CD200R1: variants seen among roughly 807,000 people sequenced by gnomAD.
The protein encoded by CD200R1 is cell surface glycoprotein CD200 receptor 1.
A neutral mutation model predicts 38.1 loss-of-function variants in CD200R1; 30 were observed. The ratio of observed to expected loss-of-function variants is 0.79; its 90% CI spans 0.59 to 1.07. CD200R1 has a LOEUF of 1.07. CD200R1 is among the 50% of genes least tolerant of loss of function. The pLI is 0.00. For missense variants in CD200R1, 372 were observed against 415.4 expected (o/e 0.90, Z 0.91); for synonymous variants, 128 against 152.1 (o/e 0.84, Z 1.16).
rs573920654 is a variant in CD200R1, at chr3:112,966,203, T to C, written c.67+8588A>G. Reference sequence around the variant, plus strand: ...AGGATAGTTGGGGTGATGAGGAAACTAGGAAAGACCTAGAGCAGTGTTCTG... The same window carrying C: ...AGGATAGTTGGGGTGATGAGGAAACCAGGAAAGACCTAGAGCAGTGTTCTG... On this transcript the variant is annotated intron_variant, in intron 1 of 7. Transcript: ENST00000308611. 5.3e-5 allele frequency among the ~76,000 whole-genome samples: 8 copies of C among 152,228 alleles called. No homozygotes were observed. The South Asian group carries it at 6.2e-4, about 12-fold the overall frequency.
At chr3:112,952,880 C>T (rs950307058) in intron 1 of CD200R1, among the ~76,000 whole-genome samples, 7 of 152,080 alleles carry the variant, frequency 4.6e-5, no homozygotes, top group Non-Finnish European at 8.8e-5. Flanking sequence ...AACAATTTGA[C>T]TTCTTTATTT....
At position 112,924,523 on chromosome 3, in the gene CD200R1, C is replaced by A; in HGVS notation, c.891G>T (p.Leu297Phe). Residue 297 changes from leucine to phenylalanine, a missense_variant, in exon 7 of 8, where the codon TTG becomes TTT. Transcript: ENST00000308611. ...LKVNGCRKYK[L>F]NKTESTPVVE... ...CAACTGGAGTAGATTCTGTTTTATTCAATTTATATTTTCTATAAAAATAAA... is the reference window on the plus strand; with the variant it reads ...CAACTGGAGTAGATTCTGTTTTATTAAATTTATATTTTCTATAAAAATAAA... 8.0e-7 allele frequency: 1 copy of A among 1,252,662 alleles called. No individual in the cohort carries two copies. The highest frequency in any genetic ancestry group is 1.0e-6 in the Non-Finnish European group (1 of 965,024). The allele number at this position is 1,252,662 out of a possible 1,614,324, so 77.6% of individuals were successfully genotyped here.
At chr3:112,932,122 G>A (rs570840625) in intron 2 of CD200R1, among the ~76,000 whole-genome samples, 31 of 152,218 alleles carry the variant, frequency 2.0e-4, no homozygotes, top group African/African-American at 7.5e-4. Flanking sequence ...GTGTACACCT[G>A]CTACCTCCCA....
intron 1 of CD200R1, among the ~76,000 whole-genome samples, chr3:112,955,773 G>A (rs1941084285): frequency 6.7e-6 from 1 of 150,292 alleles, no homozygotes; most frequent in South Asian, 2.1e-4. Context: ...AAGTATTCAT[G>A]ATTGGTAGGG....
intron 1 of CD200R1, among the ~76,000 whole-genome samples, chr3:112,966,437 T>C (rs2107345526): frequency 6.6e-6 from 1 of 152,278 alleles, no homozygotes; most frequent in South Asian, 2.1e-4. Context: ...AGTAGGATAA[T>C]TTTGTGAAGA....
intron 1 of CD200R1, among the ~76,000 whole-genome samples, chr3:112,959,500 T>A (rs1230062826): frequency 6.6e-6 from 1 of 152,180 alleles, no homozygotes; most frequent in Admixed American, 6.5e-5. Flanking sequence ...GTGCTGGTAC[T>A]GAGCTAAGTA....
At chr3:112,970,781 C>T (rs191347447) in intron 1 of CD200R1, among the ~76,000 whole-genome samples, 2 of 152,288 alleles carry the variant, frequency 1.3e-5, no homozygotes, top group Non-Finnish European at 2.9e-5. Flanking sequence ...TTGCCATCCT[C>T]AAGCTACTAG....
intron 5 of CD200R1, among the ~76,000 whole-genome samples, chr3:112,927,504 A>C (rs957257478): frequency 6.6e-6 from 1 of 152,202 alleles, no homozygotes; most frequent in Non-Finnish European, 1.5e-5. Context: ...CTCACTTCAA[A>C]ATGAATCCAT....
At chr3:112,968,192 G>C (rs1933214747) in intron 1 of CD200R1, among the ~76,000 whole-genome samples, 1 of 152,118 alleles carries the variant, frequency 6.6e-6, no homozygotes, top group Admixed American at 6.5e-5. Flanking sequence ...TTATGGGAAA[G>C]AAGAACGAAA....
rs1338671286 is a variant in CD200R1, at chr3:112,922,719, T to C, written c.*958A>G. ...AATCCATTTTTATTAAATAGTATAA[T>C]TCTTATTATAATCTCACATCATATT... On this transcript the variant is annotated 3_prime_UTR_variant, in exon 8 of 8. Coordinates refer to ENST00000308611, the MANE Select transcript of CD200R1 (RefSeq NM_138806.4). 6.6e-6 allele frequency: 1 copy of C among 151,986 alleles called. No homozygotes were observed. The highest frequency in any genetic ancestry group is 2.4e-5 in the African/African-American group (1 of 41,438). 9.4% of individuals were successfully genotyped at this position (151,986 alleles called of 1,614,324 possible). A position where few individuals can be genotyped will look rare whatever the true frequency, so the allele number is the denominator to read the frequency against.
chr3:112,936,778 T>G (rs1940593546), intron 2 of CD200R1, among the ~76,000 whole-genome samples: 1 of 152,264 alleles, frequency 6.6e-6, no homozygotes. Flanking sequence ...ATAGTTTCTT[T>G]GGCTGTGCAG....
intron 1 of CD200R1, among the ~76,000 whole-genome samples, chr3:112,961,186 G>A (rs1313596547): frequency 2.0e-5 from 3 of 151,950 alleles, no homozygotes; most frequent in Non-Finnish European, 2.9e-5. Context: ...AATCTCGCAG[G>A]GGTTACTTTC....
chr3:112,973,273 G>C (rs1933354516), intron 1 of CD200R1, among the ~76,000 whole-genome samples: 1 of 152,176 alleles, frequency 6.6e-6, no homozygotes, highest in Non-Finnish European at 1.5e-5. Flanking sequence ...ACTACTGAAA[G>C]ATTCAGATCA....
chr3:112,953,956 A>ATT (rs1941028926), intron 1 of CD200R1, among the ~76,000 whole-genome samples: 1 of 151,440 alleles, frequency 6.6e-6, no homozygotes, highest in South Asian at 2.1e-4. Context: ...TTATGTTCTG[A>ATT]TATTTATTCT....
chr3:112,928,632 G>A (rs1467686030), intron 5 of CD200R1, among the ~76,000 whole-genome samples, 184 bp downstream of exon 5: 3 of 152,084 alleles, frequency 2.0e-5, no homozygotes, highest in Admixed American at 6.6e-5. Flanking sequence ...CTAAAAAAGG[G>A]CTTTTTACAA....
At position 112,928,426 on chromosome 3, in the gene CD200R1, A is replaced by G. The variant is rs549443666; in HGVS notation, c.769+390T>C. 1.5e-3 allele frequency among the ~76,000 whole-genome samples: 235 copies of G among 152,350 alleles called. 1 individual carries two copies. The highest frequency in any genetic ancestry group is 2.2e-3 in the Non-Finnish European group (147 of 68,034). The stretch of plus-strand genomic sequence containing the variant: ...AAATTCAATGATGAAAAGTCCAGAA[A>G]ACAAAATTACAACAAACTAAAAATT... On this transcript the variant is annotated intron_variant, in intron 5 of 7. Transcript: ENST00000308611.
At chr3:112,955,752 T>G (rs1184139768) in intron 1 of CD200R1, among the ~76,000 whole-genome samples, 1 of 152,098 alleles carries the variant, frequency 6.6e-6, no homozygotes, top group Non-Finnish European at 1.5e-5. Flanking sequence ...TAAGGACAGT[T>G]TTGCTAGTTA....
chr3:112,962,623 A>G (rs929984585), intron 1 of CD200R1, among the ~76,000 whole-genome samples: 2 of 152,198 alleles, frequency 1.3e-5, no homozygotes, highest in Admixed American at 6.5e-5. Flanking sequence ...CACCCCAGAC[A>G]CTAGGTCAGG....
chr3:112,924,244 T>C lies in CD200R1; in HGVS notation c.924+246A>G, dbSNP rs1263633923. On this transcript the variant is annotated intron_variant, in intron 7 of 7. Coordinates refer to ENST00000308611, the MANE Select transcript of CD200R1 (RefSeq NM_138806.4). ...TTCATTTCCTCAAAAGATTACAGTC[T>C]AAAGGAGCCAAACATCATATGTGTT... 3.3e-5 allele frequency among the ~76,000 whole-genome samples: 5 copies of C among 151,974 alleles called. No individual in the cohort carries two copies. The East Asian group carries it at 9.6e-4, about 29-fold the overall frequency.
Sources: gnomAD v4.1 joint callset for allele counts (sites outside exome capture counted in the v4.1 genomes callset) on GRCh38, gnomAD v4.1.1 for gene constraint, MANE v1.5 for transcripts, NCBI Gene and HGNC (gene_info 2026-07-23, HGNC 2026-07-21) for gene names.